The following ARID1A variants were observed in gnomAD, a reference collection of about 807,000 sequenced individuals.
ARID1A encodes AT-rich interactive domain-containing protein 1A.
Under a neutral mutation model 212.6 loss-of-function variants are expected in ARID1A, and 20 were observed. The ratio of observed to expected loss-of-function variants is 0.09; its 90% confidence interval spans 0.07 to 0.14. The LOEUF is 0.14. Ranked by LOEUF, ARID1A falls within the 10% of genes least tolerant of loss-of-function variation. The pLI is 1.00. For synonymous variants in ARID1A, 1,376 were observed against 1,222.1 expected (o/e 1.13, Z -2.63); for missense variants, 2,587 against 3,059.0 (o/e 0.85, Z 3.64).
At chr1:26,773,556 A>T (rs1428191062) in intron 15 of ARID1A, 24 bp from the exon 16 acceptor site, 1 of 1,614,178 alleles carries the variant, frequency 6.2e-7, no homozygotes, top group Non-Finnish European at 8.5e-7. Flanking sequence ...AGTGGGCTCA[A>T]TCTGCCTCTC....
chr1:26,732,861 C>T (rs1015389572), intron 4 of ARID1A, 69 bp downstream of exon 4: 4 of 1,372,224 alleles, frequency 2.9e-6, no homozygotes. Flanking sequence ...TAGTTAGTTT[C>T]TGGTTGGAAG....
At chr1:26,714,572 A>G (rs948766662) in intron 1 of ARID1A, among the ~76,000 whole-genome samples, 2 of 152,060 alleles carry the variant, frequency 1.3e-5, no homozygotes, top group Admixed American at 1.3e-4. Context: ...GTGTGTCACC[A>G]TGCCGGGCTA....
chr1:26,761,052 T>C lies in ARID1A; in HGVS notation c.2117T>C (p.Val706Ala), dbSNP rs2124056538. 7 of 1,614,152 alleles carry C rather than the reference T, an allele frequency of 4.3e-6. No homozygotes were observed. The highest frequency in any genetic ancestry group is 5.1e-6 in the Non-Finnish European group (6 of 1,180,018). ...TCCCCTGTTGGCTCTCCCGCCAGTG[T>C]TGCTCAGTCTCGCTCAGGACCACTC... ...SPSPVGSPAS[V>A]AQSRSGPLSP... is the part of the protein sequence containing the mutation. The change falls in exon 5 of 20, where the codon GTT becomes GCT. Residue 706 changes from valine to alanine, a missense_variant. Transcript: ENST00000324856.
intron 1 of ARID1A, among the ~76,000 whole-genome samples, chr1:26,706,792 T>C (rs2080396348): frequency 1.3e-5 from 2 of 152,244 alleles, no homozygotes. Context: ...CTTTTTCTCT[T>C]GCCCTTTGGA....
intron 1 of ARID1A, among the ~76,000 whole-genome samples, chr1:26,719,979 G>A (rs1428168462): frequency 7.0e-6 from 1 of 143,312 alleles, no homozygotes. Flanking sequence ...TGGGCTGGGC[G>A]TGGTGGCTCA....
chr1:26,760,230 T>C (rs999631777), intron 4 of ARID1A, among the ~76,000 whole-genome samples: 1 of 152,066 alleles, frequency 6.6e-6, no homozygotes, highest in East Asian at 1.9e-4. Context: ...GGGGATAGAA[T>C]AGGAGTCAGC....
chr1:26,728,359 T>C (rs1336363252), intron 1 of ARID1A, among the ~76,000 whole-genome samples: 1 of 152,242 alleles, frequency 6.6e-6, no homozygotes, highest in Non-Finnish European at 1.5e-5. Flanking sequence ...AATAGCATTA[T>C]TAAAAAACAA....
At chr1:26,778,981 A>G in intron 19 of ARID1A, 42 bp from the exon 20 acceptor site, 1 of 1,493,292 alleles carries the variant, frequency 6.7e-7, no homozygotes, top group African/African-American at 1.4e-5. Flanking sequence ...TTCTTAGGCC[A>G]CTTTTCTCCC....
At chr1:26,698,271 A>G (rs1430641607) in intron 1 of ARID1A, among the ~76,000 whole-genome samples, 2 of 152,200 alleles carry the variant, frequency 1.3e-5, no homozygotes, top group Non-Finnish European at 2.9e-5. Context: ...TTGACATCCT[A>G]TCTGTGATCT....
intron 8 of ARID1A, 47 bp from the exon 9 acceptor site, chr1:26,766,174 C>T (rs2081037630): frequency 6.3e-7 from 1 of 1,585,256 alleles, no homozygotes; most frequent in Non-Finnish European, 8.6e-7. Flanking sequence ...AATCTAAAAG[C>T]TCAGAGTCTA....
chr1:26,696,960 G>T lies in ARID1A; in HGVS notation c.557G>T (p.Ser186Ile). The change falls in exon 1 of 20, where the codon AGC becomes ATC. Residue 186 changes from serine to isoleucine, a missense_variant. Physicochemically the swap from Ser to Ile is moderately radical, Grantham distance 142. Transcript: ENST00000324856. ...QQSPGLAALQ[S>I]GGGGGLEPYA... ...AGCCCTGGCCTGGCAGCGCTGCAGA[G>T]CGGCGGCGGCGGGGGCCTGGAGCCC... 2 of 1,455,360 alleles carry T rather than the reference G, an allele frequency of 1.4e-6. No individual in the cohort carries two copies. The highest frequency in any genetic ancestry group is 1.8e-6 in the Non-Finnish European group (2 of 1,108,352). 90.2% of individuals were successfully genotyped at this position (1,455,360 alleles called of 1,614,324 possible). A position where few individuals can be genotyped will look rare whatever the true frequency, so the allele number is the denominator to read the frequency against.
At chr1:26,712,522 T>TA (rs55711175) in intron 1 of ARID1A, among the ~76,000 whole-genome samples, 1 of 152,016 alleles carries the variant, frequency 6.6e-6, no homozygotes, top group African/African-American at 2.4e-5. Context: ...TTGTCTCTCT[T>TA]AAAAAAAATT....
rs1415411446 is a variant in ARID1A, at chr1:26,781,280, T to G, written c.*524T>G. ...GCAGGAGCCAAGAAGTTCGCAGTTG[T>G]GAACAGACCCTGTTCACTGGAGAGG... On this transcript the variant is annotated 3_prime_UTR_variant, in exon 20 of 20. Transcript: ENST00000324856. 1.3e-5 allele frequency: 3 copies of G among 235,746 alleles called. No homozygotes were observed. The highest frequency in any genetic ancestry group is 1.8e-4 in the South Asian group (1 of 5,672). The allele number at this position is 235,746 out of a possible 1,614,324, so 14.6% of individuals were successfully genotyped here. A position where few individuals can be genotyped will look rare whatever the true frequency, so the allele number is the denominator to read the frequency against.
Position 26,760,989 on chromosome 1 carries a change from C to A in ARID1A, c.2054C>A (p.Thr685Asn), listed in dbSNP as rs2124055554. Residue 685 changes from threonine (T) to asparagine (N), a missense_variant, in exon 5 of 20, where the codon ACC (threonine) becomes AAC (asparagine). Physicochemically the swap from Thr to Asn is moderately conservative, Grantham distance 65. Coordinates refer to ENST00000324856, the MANE Select transcript of ARID1A (RefSeq NM_006015.6). The part of the protein sequence containing the change: ...NPAQSPFSPH[T>N]SPHLPGIRGP... Reference sequence around the variant, plus strand: ...GCTCAGTCTCCTTTCTCTCCTCATACCTCCCCTCACCTGCCTGGCATCCGA... The same window carrying A: ...GCTCAGTCTCCTTTCTCTCCTCATAACTCCCCTCACCTGCCTGGCATCCGA... The A allele has an allele frequency of 6.2e-7, 1 of 1,614,122 alleles. No homozygotes were observed. Among genetic ancestry groups the A allele is most frequent in the Non-Finnish European group, 8.5e-7 (1 of 1,180,036 alleles).
chr1:26,762,008 C>T (rs2080996864), intron 6 of ARID1A, 144 bp from the exon 7 acceptor site: 1 of 898,496 alleles, frequency 1.1e-6, no homozygotes, highest in Non-Finnish European at 1.6e-6. Flanking sequence ...TAAAATGACA[C>T]ACCACTATAT....
intron 8 of ARID1A, 117 bp from the exon 9 acceptor site, chr1:26,766,104 T>G: frequency 8.3e-7 from 1 of 1,211,070 alleles, no homozygotes; most frequent in South Asian, 1.6e-5. Context: ...TGGGGACCCA[T>G]AAATGTTTTC....
Position 26,781,126 on chromosome 1 carries a change from C to T in ARID1A, c.*370C>T, listed in dbSNP as rs144625506. On this transcript the variant is annotated 3_prime_UTR_variant, in exon 20 of 20. Coordinates refer to ENST00000324856, the MANE Select transcript of ARID1A (RefSeq NM_006015.6). ...ATGGCTTTCCCAGTCCTTGCATCAA[C>T]GGGATGCCACATTTCATAACTGTTT... is the stretch of plus-strand genomic sequence containing the variant. 9 of 245,450 alleles carry T rather than the reference C, an allele frequency of 3.7e-5. No homozygotes were observed. Among genetic ancestry groups the T allele is most frequent in the East Asian group, 2.9e-4 (5 of 17,236 alleles). 15.2% of individuals were successfully genotyped at this position (245,450 alleles called of 1,614,324 possible). A position where few individuals can be genotyped will look rare whatever the true frequency, so the allele number is the denominator to read the frequency against.
intron 1 of ARID1A, among the ~76,000 whole-genome samples, chr1:26,698,092 G>A (rs2080296245): frequency 6.6e-6 from 1 of 152,230 alleles, no homozygotes; most frequent in African/African-American, 2.4e-5. Context: ...AGGGCAGCCC[G>A]GTCCATCTCC....
chr1:26,780,237 C>T lies in ARID1A; in HGVS notation c.6339C>T (p.Ser2113=). The T allele has an allele frequency of 1.9e-6, 3 of 1,614,192 alleles. No homozygotes were observed. Among genetic ancestry groups the T allele is most frequent in the Non-Finnish European group, 2.5e-6 (3 of 1,180,032 alleles). Residue 2113 remains serine, a synonymous_variant, in exon 20 of 20, where the codon TCC becomes TCT. Coordinates refer to ENST00000324856, the MANE Select transcript of ARID1A (RefSeq NM_006015.6). This position sits in a 1 kb window ranked among gnomAD's most constrained non-coding sequence, Gnocchi z 7.2. ...CCCTGGGCCCCAATGCCGTCCTTTC[C>T]CCGCAGAGACTGGTCTTGGAAACCC... The part of the protein sequence containing the change: ...FSTLGPNAVL[S]PQRLVLETLS...
Sources: gnomAD v4.1 joint callset for allele counts (sites outside exome capture counted in the v4.1 genomes callset) on GRCh38, gnomAD v4.1.1 for gene constraint, Gnocchi (gnomAD v3.1) non-coding constraint, MANE v1.5 for transcripts, NCBI Gene and HGNC (gene_info 2026-07-23, HGNC 2026-07-21) for gene names.